Variants in FAM81A observed in about 807,000 individuals in gnomAD.
FAM81A encodes family with sequence similarity 81 member A.
Under a neutral mutation model 46.7 loss-of-function variants are expected in FAM81A, and 19 were observed. The observed-to-expected ratio is 0.41, with a 90% CI of 0.28 to 0.60. FAM81A has a LOEUF of 0.60. Ranked by LOEUF, FAM81A falls within the 20% of genes least tolerant of loss-of-function variation. The probability of loss-of-function intolerance (pLI) is 0.34; values close to 1 mark genes in which losing one functional copy is unlikely to be tolerated. For synonymous variants in FAM81A, 183 were observed against 152.9 expected (o/e 1.20, Z -1.45); for missense variants, 377 against 453.5 (o/e 0.83, Z 1.53).
chr15:59,503,145 G>A (rs2082112703), intron 4 of FAM81A, among the ~76,000 whole-genome samples: 1 of 151,078 alleles, frequency 6.6e-6, no homozygotes, highest in Non-Finnish European at 1.5e-5. Flanking sequence ...AGGAGGCTGA[G>A]GCAGGACAAT....
chr15:59,481,199 T>C (rs1417234919), intron 3 of FAM81A, among the ~76,000 whole-genome samples: 2 of 152,100 alleles, frequency 1.3e-5, no homozygotes, highest in African/African-American at 2.4e-5. Flanking sequence ...GGTTTCACCA[T>C]GTTGCCCAGG....
At chr15:59,417,727 A>G (rs900154036) in intron 2 of FAM81A, among the ~76,000 whole-genome samples, 15 of 152,140 alleles carry the variant, frequency 9.9e-5, no homozygotes, top group Non-Finnish European at 2.1e-4. Flanking sequence ...AAATAAATAC[A>G]TAAATAAATA....
At chr15:59,501,640 G>T (rs2082091822) in intron 4 of FAM81A, among the ~76,000 whole-genome samples, 1 of 152,242 alleles carries the variant, frequency 6.6e-6, no homozygotes, top group Middle Eastern at 3.4e-3. Flanking sequence ...TTAGACGTTT[G>T]GGACTCTCTA....
chr15:59,408,997 T>C (rs1438677777), intron 2 of FAM81A: 2 of 152,208 alleles, frequency 1.3e-5, no homozygotes, highest in Non-Finnish European at 2.9e-5. Context: ...TTCTTGCTAC[T>C]GTACTTGACT....
At chr15:59,484,686 C>G (rs929999921) in intron 3 of FAM81A, among the ~76,000 whole-genome samples, 7 of 152,214 alleles carry the variant, frequency 4.6e-5, no homozygotes, top group African/African-American at 1.2e-4. Flanking sequence ...TGCCTCTGCA[C>G]TTTCACAGCC....
chr15:59,423,056 C>T, intron 2 of FAM81A, among the ~76,000 whole-genome samples: 1 of 152,114 alleles, frequency 6.6e-6, no homozygotes, highest in Non-Finnish European at 1.5e-5. Flanking sequence ...TTCCAATCCT[C>T]ACAACAACCT....
In FAM81A at chr15:59,521,383, A is replaced by G; in HGVS notation, c.*5A>G. The G allele has an allele frequency of 1.9e-6, 3 of 1,602,206 alleles. No individual in the cohort carries two copies. The highest frequency in any genetic ancestry group is 2.6e-6 in the Non-Finnish European group (3 of 1,174,008). On this transcript the variant is annotated 3_prime_UTR_variant, in exon 9 of 9. Transcript: ENST00000288228. ...AAGCCAGAGACCCCCATGTGAAGGG[A>G]GCTGGGACAAGGTCCTAAAAGACAG... is the stretch of plus-strand genomic sequence containing the variant.
Position 59,431,585 on chromosome 15 carries a change from C to T in FAM81A, c.-77-26965C>T, listed in dbSNP as rs560664734. 2.9e-3 allele frequency among the ~76,000 whole-genome samples: 430 copies of T among 148,906 alleles called. 3 individuals carry two copies. The highest frequency in any genetic ancestry group is 0.014 in the Middle Eastern group (4 of 284). ...CTTACTATGTTGCCCAGGCTGGTCT[C>T]GAATTCCTGGGCTAAGTGATCCTCT... On this transcript the variant is annotated intron_variant, in intron 2 of 4. Coordinates refer to the FAM81A transcript ENST00000558348.
intron 1 of FAM81A, chr15:59,401,629 T>A (rs2081070808): frequency 1.1e-6 from 1 of 906,532 alleles, no homozygotes; most frequent in African/African-American, 1.6e-5. Context: ...CCTGGGCACA[T>A]ACTTTAGGCA....
intron 2 of FAM81A, among the ~76,000 whole-genome samples, chr15:59,403,986 C>A (rs570781312): frequency 1.2e-4 from 18 of 151,138 alleles, no homozygotes; most frequent in Admixed American, 1.2e-3. Flanking sequence ...TGGGTTCAAG[C>A]GATTCTCCTG....
Position 59,458,612 on chromosome 15 carries a change from G to T in FAM81A, c.-15G>T. On this transcript the variant is annotated 5_prime_UTR_variant, in exon 2 of 9. In the 5' UTR this introduces an upstream ATG that the reference lacks. Coordinates refer to ENST00000288228, the MANE Select transcript of FAM81A (RefSeq NM_152450.3). ...CTGTATTTCCTTCTCGTGTCACCAA[G>T]GAAAGGTATAATATATGGAAAATAT... 6.2e-7 allele frequency: 1 copy of T among 1,613,858 alleles called. No homozygotes were observed. The highest frequency in any genetic ancestry group is 8.5e-7 in the Non-Finnish European group (1 of 1,179,806).
At chr15:59,511,058 T>G (rs1341410948) in intron 6 of FAM81A, among the ~76,000 whole-genome samples, 1 of 151,960 alleles carries the variant, frequency 6.6e-6, no homozygotes, top group East Asian at 1.9e-4. Flanking sequence ...ATCATGCCAC[T>G]GCACTCCAGC....
chr15:59,521,164 G>T, intron 8 of FAM81A, 90 bp from the exon 9 acceptor site: 1 of 1,373,484 alleles, frequency 7.3e-7, no homozygotes, highest in African/African-American at 1.5e-5. Context: ...AATAATTTTT[G>T]CCTGAATCAA....
chr15:59,458,697 A>C, intron 2 of FAM81A, 51 bp downstream of exon 2: 5 of 1,530,614 alleles, frequency 3.3e-6, no homozygotes, highest in Non-Finnish European at 4.5e-6. Context: ...TGGGTGTGAT[A>C]GTTACAAATC....
chr15:59,473,360 A>G (rs910178098), intron 3 of FAM81A, among the ~76,000 whole-genome samples: 1 of 152,186 alleles, frequency 6.6e-6, no homozygotes, highest in East Asian at 1.9e-4. Context: ...CACACTGTAT[A>G]TGCTACCTGC....
At chr15:59,510,130 C>A (rs2082189889) in intron 6 of FAM81A, among the ~76,000 whole-genome samples, 1 of 152,064 alleles carries the variant, frequency 6.6e-6, no homozygotes, top group African/African-American at 2.4e-5. Context: ...CTCTGGGAGG[C>A]CAAGGCAGAT....
intron 1 of FAM81A, chr15:59,401,480 A>T: frequency 1.3e-6 from 1 of 765,056 alleles, no homozygotes; most frequent in Non-Finnish European, 2.4e-6. Flanking sequence ...ACGCAAGCCC[A>T]TTGGCCTGAT....
chr15:59,487,199 A>G (rs201794776), intron 3 of FAM81A, among the ~76,000 whole-genome samples: 1 of 146,870 alleles, frequency 6.8e-6, no homozygotes, highest in African/African-American at 2.5e-5. Context: ...TTATATATAT[A>G]TTATATATAT....
chr15:59,478,201 C>A (rs2081798207), intron 3 of FAM81A, among the ~76,000 whole-genome samples: 1 of 152,142 alleles, frequency 6.6e-6, no homozygotes, highest in African/African-American at 2.4e-5. Flanking sequence ...TGGGGTCTGC[C>A]ACCTGGCTGG....
Sources: gnomAD v4.1 joint callset for allele counts (sites outside exome capture counted in the v4.1 genomes callset) on GRCh38, gnomAD v4.1.1 for gene constraint, MANE v1.5 for transcripts, NCBI Gene and HGNC (gene_info 2026-07-23, HGNC 2026-07-21) for gene names.